Variants in TMEM135 observed in about 807,000 individuals in gnomAD.
TMEM135 encodes transmembrane protein 135, also known as peroxisomal membrane protein 52.
Under a neutral mutation model 60.3 loss-of-function variants are expected in TMEM135, and 30 were observed. The observed-to-expected ratio is 0.50, with a 90% confidence interval of 0.37 to 0.68. TMEM135 has a LOEUF of 0.68. Among genes scored for constraint, TMEM135 ranks in the 30% least tolerant of loss-of-function variants. The pLI, the probability that TMEM135 is intolerant of heterozygous loss-of-function variation, is 0.00. For missense variants in TMEM135, 468 were observed against 548.8 expected, an observed-to-expected ratio of 0.85 and a Z score of 1.47; for synonymous variants, 190 against 186.7, an observed-to-expected ratio of 1.02 and a Z score of -0.14.
intron 5 of TMEM135, among the ~76,000 whole-genome samples, chr11:87,181,352 A>C (rs1014362745): frequency 6.6e-6 from 1 of 152,192 alleles, no homozygotes; most frequent in Non-Finnish European, 1.5e-5. Flanking sequence ...AAGGTATAAC[A>C]ATTACGTCAT....
intron 5 of TMEM135, among the ~76,000 whole-genome samples, chr11:87,164,713 C>G (rs1166984630): frequency 2.6e-5 from 2 of 75,708 alleles, no homozygotes; most frequent in African/African-American, 7.1e-5. Flanking sequence ...CTTTTATTTC[C>G]TTGAGCAGTG....
intron 5 of TMEM135, among the ~76,000 whole-genome samples, chr11:87,188,479 A>T (rs1295625466): frequency 6.6e-6 from 1 of 152,026 alleles, no homozygotes; most frequent in African/African-American, 2.4e-5. Context: ...AGGTGGGTGG[A>T]TCACCTGAGG....
chr11:87,095,276 C>T (rs550732024), intron 4 of TMEM135: 60 of 187,438 alleles, frequency 3.2e-4, no homozygotes, highest in South Asian at 2.6e-3. Context: ...ACATTCTGGC[C>T]GAAAACAAAG....
chr11:87,264,674 C>T (rs761093524), intron 6 of TMEM135, among the ~76,000 whole-genome samples: 1 of 151,838 alleles, frequency 6.6e-6, no homozygotes, highest in East Asian at 1.9e-4. Context: ...AATGTAGTTC[C>T]AGCCTTAAGC....
rs1949759249 is a variant in TMEM135, at chr11:87,042,570, A to C, written c.141+4384A>C. Among the ~76,000 whole-genome samples, 3 of 152,140 alleles carry C rather than the reference A, an allele frequency of 2.0e-5. No individual in the cohort carries two copies. The South Asian group carries it at 6.2e-4, about 31-fold the overall frequency. On this transcript the variant is annotated intron_variant, in intron 1 of 14. Coordinates refer to ENST00000305494, the MANE Select transcript of TMEM135 (RefSeq NM_022918.4). ...GAGAGCAGGAGAAGGTCAGAAAAAA[A>C]CTTCTGCTTCTAAGGCTGCTTCTGA...
chr11:87,286,626 T>C (rs1591169985), intron 6 of TMEM135, among the ~76,000 whole-genome samples: 1 of 151,670 alleles, frequency 6.6e-6, no homozygotes, highest in East Asian at 1.9e-4. Flanking sequence ...GGGGTGGGGG[T>C]GGGGCTCGGG....
intron 6 of TMEM135, among the ~76,000 whole-genome samples, chr11:87,292,751 A>C (rs1258582856): frequency 6.6e-6 from 1 of 152,242 alleles, no homozygotes; most frequent in Non-Finnish European, 1.5e-5. Flanking sequence ...GGAAAGAAGA[A>C]TAGCCTCTTT....
intron 9 of TMEM135, 128 bp from the exon 10 acceptor site, chr11:87,309,377 T>G: frequency 1.1e-6 from 1 of 882,578 alleles, no homozygotes; most frequent in Non-Finnish European, 1.8e-6. Flanking sequence ...AAGGCTTTAT[T>G]TTGCTGTGCT....
intron 5 of TMEM135, among the ~76,000 whole-genome samples, chr11:87,182,278 A>C (rs148191975): frequency 1.2e-3 from 184 of 152,234 alleles, no homozygotes; most frequent in African/African-American, 4.2e-3. Context: ...TTAAGATAAG[A>C]AAAAGGAACA....
Position 87,099,682 on chromosome 11 carries a change from G to GTTTTT in TMEM135, c.396+8303_396+8307dup, listed in dbSNP as rs57019125. On this transcript the variant is annotated intron_variant, in intron 4 of 14. Transcript: ENST00000305494. ...TATTGTGGTTACATGTTTCATGGTG[G>GTTTTT]TTTTTTTTTTTTTTTTTTTTGAGGC... 3.2e-3 allele frequency among the ~76,000 whole-genome samples: 350 copies of GTTTTT among 109,300 alleles called. 3 individuals carry two copies. Among genetic ancestry groups the GTTTTT allele is most frequent in the Non-Finnish European group, 3.9e-3 (211 of 54,042 alleles). 71.7% of individuals were successfully genotyped at this position (109,300 alleles called of 152,430 possible).
At position 87,322,579 on chromosome 11, in the gene TMEM135, G is replaced by A. The variant is rs1208357618; in HGVS notation, c.*1246G>A. ...AAGTGGTCTACAGTTAATGTGACAT[G>A]TAGGGATGATGATATTTTTAAAATA... On this transcript the variant is annotated 3_prime_UTR_variant, in exon 15 of 15. Coordinates refer to ENST00000305494, the MANE Select transcript of TMEM135 (RefSeq NM_022918.4). 2.2e-6 allele frequency: 1 copy of A among 453,858 alleles called. No homozygotes were observed. Among genetic ancestry groups the A allele is most frequent in the African/African-American group, 2.0e-5 (1 of 50,002 alleles). The allele number at this position is 453,858 out of a possible 1,614,324, so 28.1% of individuals were successfully genotyped here.
At chr11:87,309,426 T>G in intron 9 of TMEM135, 79 bp from the exon 10 acceptor site, 1 of 1,461,944 alleles carries the variant, frequency 6.8e-7, no homozygotes, top group Middle Eastern at 1.7e-4. Context: ...TGTTTCTATT[T>G]TGAGATGGTA....
intron 11 of TMEM135, among the ~76,000 whole-genome samples, chr11:87,313,852 A>G (rs1376864157): frequency 2.0e-5 from 3 of 152,022 alleles, no homozygotes; most frequent in Non-Finnish European, 4.4e-5. Context: ...AAAGTGACCT[A>G]TATTTTCATA....
chr11:87,059,624 A>T (rs765006458), intron 1 of TMEM135, among the ~76,000 whole-genome samples: 2 of 152,162 alleles, frequency 1.3e-5, no homozygotes, highest in Non-Finnish European at 2.9e-5. Flanking sequence ...CCTTTCCCAG[A>T]TACTCTGATT....
intron 4 of TMEM135, among the ~76,000 whole-genome samples, chr11:87,124,204 T>C (rs1421403163): frequency 2.0e-5 from 3 of 152,270 alleles, no homozygotes; most frequent in East Asian, 3.9e-4. Flanking sequence ...AAATAGGAAT[T>C]AAGGGGAAGG....
intron 14 of TMEM135, among the ~76,000 whole-genome samples, 170 bp downstream of exon 14, chr11:87,319,547 C>T (rs1303861139): frequency 2.6e-5 from 4 of 151,784 alleles, no homozygotes; most frequent in Non-Finnish European, 5.9e-5. Context: ...TATTCTTTTC[C>T]CTATAATATT....
At chr11:87,254,857 A>G (rs1307323955) in intron 6 of TMEM135, among the ~76,000 whole-genome samples, 2 of 152,060 alleles carry the variant, frequency 1.3e-5, no homozygotes, top group African/African-American at 4.8e-5. Context: ...AAACAAAATA[A>G]GGGCCTGGTG....
At position 87,322,605 on chromosome 11, in the gene TMEM135, C is replaced by T. The variant is rs770242708; in HGVS notation, c.*1272C>T. The stretch of plus-strand genomic sequence containing the variant: ...TAGGGATGATGATATTTTTAAAATA[C>T]ATTTTGTTGCTAAAAAGTTTTTAGG... On this transcript the variant is annotated 3_prime_UTR_variant, in exon 15 of 15. Coordinates refer to ENST00000305494, the MANE Select transcript of TMEM135 (RefSeq NM_022918.4). 7.7e-5 allele frequency: 35 copies of T among 453,784 alleles called. No individual in the cohort carries two copies. The highest frequency in any genetic ancestry group is 6.9e-4 in the East Asian group (10 of 14,402). 28.1% of individuals were successfully genotyped at this position (453,784 alleles called of 1,614,324 possible).
chr11:87,288,244 A>T (rs371756949), intron 6 of TMEM135, among the ~76,000 whole-genome samples: 2 of 152,208 alleles, frequency 1.3e-5, no homozygotes, highest in Non-Finnish European at 2.9e-5. Flanking sequence ...CATTAATCAG[A>T]TTATGTATAT....
Sources: allele counts gnomAD v4.1 joint callset (sites outside exome capture counted in the v4.1 genomes callset), GRCh38; gene constraint gnomAD v4.1.1; transcripts MANE v1.5; gene names NCBI Gene and HGNC (gene_info 2026-07-23, HGNC 2026-07-21).